MIGA1: variants seen among roughly 807,000 people sequenced by gnomAD.
The protein encoded by MIGA1 is mitoguardin 1.
Under a neutral mutation model 82.0 loss-of-function variants are expected in MIGA1, and 58 were observed. The observed-to-expected ratio is 0.71, with a 90% CI of 0.57 to 0.88. The LOEUF (loss-of-function observed/expected upper bound fraction) is 0.88, where lower values mean the gene tolerates loss of function less well. Among genes scored for constraint, MIGA1 ranks in the 40% least tolerant of loss-of-function variants. MIGA1 has a pLI of 0.00. For synonymous variants in MIGA1, 249 were observed against 253.6 expected (o/e 0.98, Z 0.17); for missense variants, 751 against 749.1 (o/e 1.00, Z -0.03).
intron 2 of MIGA1, among the ~76,000 whole-genome samples, chr1:77,785,973 A>T (rs1455694861): frequency 1.3e-5 from 2 of 152,218 alleles, no homozygotes; most frequent in African/African-American, 4.8e-5. Flanking sequence ...CTGCCCTAGC[A>T]GAGGTTCTCC....
chr1:77,779,717 T>C lies in MIGA1; in HGVS notation c.62T>C (p.Val21Ala). ...GAAGCTGGCGTGGGCAGGCCAGCTG[T>C]ACCTGGCCTGGAGCTCCAGGTACAG... The change falls in exon 1 of 16, where the codon GTA (valine) becomes GCA (alanine). Residue 21 changes from valine to alanine, a missense_variant. This residue lies in a region of MIGA1 where 482 missense variants were observed against 439.4 expected (regional missense o/e 1.10). Transcript: ENST00000370791. The C allele has an allele frequency of 1.9e-6, 3 of 1,580,546 alleles. No individual in the cohort carries two copies. The highest frequency in any genetic ancestry group is 2.6e-6 in the Non-Finnish European group (3 of 1,163,414).
chr1:77,785,027 A>C (rs1265219353), intron 2 of MIGA1, among the ~76,000 whole-genome samples: 3 of 152,096 alleles, frequency 2.0e-5, no homozygotes, highest in Non-Finnish European at 4.4e-5. Context: ...ACACAGCCAA[A>C]CCATATCATT....
Position 77,847,356 on chromosome 1 carries a change from GA to G in MIGA1, c.996+3956del, listed in dbSNP as rs1213210825. 7.8e-5 allele frequency: 78 copies of G among 995,482 alleles called. 2 individuals carry two copies. Among genetic ancestry groups the G allele is most frequent in the South Asian group, 6.0e-4 (47 of 78,130 alleles). 61.7% of individuals were successfully genotyped at this position (995,482 alleles called of 1,614,324 possible). On this transcript the variant is annotated intron_variant, in intron 8 of 15. Coordinates refer to ENST00000370791, the MANE Select transcript of MIGA1 (RefSeq NM_198549.4). The stretch of plus-strand genomic sequence containing the variant: ...TGACAGTATTTATGATGAAATGCAG[GA>G]AAAAAAGGAGGAAAACAATACTAAA...
intron 7 of MIGA1, among the ~76,000 whole-genome samples, chr1:77,838,411 C>T (rs1684509415): frequency 6.6e-6 from 1 of 151,142 alleles, no homozygotes; most frequent in Admixed American, 6.6e-5. Context: ...GTGCAGCTGT[C>T]CTGATGCTCA....
chr1:77,858,294 C>T (rs1197921549), intron 8 of MIGA1, among the ~76,000 whole-genome samples: 1 of 151,912 alleles, frequency 6.6e-6, no homozygotes, highest in Non-Finnish European at 1.5e-5. Context: ...CTGCATTGAG[C>T]CAAGATCCTG....
In MIGA1 at chr1:77,879,533, T is replaced by TG. The variant is rs1347466597; in HGVS notation, c.*4470dup. ...TTACTATTACTGCCAAATAAAAAAG[T>TG]GATGGTACGTCTTGCTGATGTATTG... On this transcript the variant is annotated 3_prime_UTR_variant, in exon 16 of 16. Coordinates refer to ENST00000370791, the MANE Select transcript of MIGA1 (RefSeq NM_198549.4). The TG allele has an allele frequency of 1.3e-5, 2 of 152,146 alleles. No homozygotes were observed. Among genetic ancestry groups the TG allele is most frequent in the African/African-American group, 4.8e-5 (2 of 41,436 alleles). The allele number at this position is 152,146 out of a possible 1,614,324, so 9.4% of individuals were successfully genotyped here.
chr1:77,858,262 G>A (rs137878264), intron 8 of MIGA1, among the ~76,000 whole-genome samples: 3,986 of 151,852 alleles, frequency 0.026, 90 homozygotes, highest in South Asian at 0.11. Flanking sequence ...CAGGAGAATC[G>A]CTTTAACCTG....
intron 7 of MIGA1, among the ~76,000 whole-genome samples, chr1:77,821,646 C>T (rs1186343869): frequency 1.3e-5 from 2 of 152,014 alleles, no homozygotes; most frequent in East Asian, 1.9e-4. Context: ...CGCCCGCCTC[C>T]GCCCCCCAAA....
chr1:77,845,529 C>G (rs1000520761), intron 8 of MIGA1, among the ~76,000 whole-genome samples: 2 of 151,972 alleles, frequency 1.3e-5, no homozygotes, highest in African/African-American at 4.8e-5. Context: ...TTGTGGAAAA[C>G]AAAATGCATG....
chr1:77,850,071 G>A (rs1467871184), intron 8 of MIGA1, among the ~76,000 whole-genome samples: 1 of 151,930 alleles, frequency 6.6e-6, no homozygotes, highest in African/African-American at 2.4e-5. Flanking sequence ...GCTTGACTGG[G>A]GCTGAAAGAT....
At chr1:77,822,837 T>G (rs1683873196) in intron 7 of MIGA1, among the ~76,000 whole-genome samples, 2 of 123,980 alleles carry the variant, frequency 1.6e-5, no homozygotes, top group Non-Finnish European at 3.5e-5. Context: ...TTCAGCATGT[T>G]TTTTTTTTTT....
chr1:77,847,519 GAGAA>G, intron 8 of MIGA1: 1 of 1,443,668 alleles, frequency 6.9e-7, no homozygotes, highest in Non-Finnish European at 9.7e-7. Context: ...GAAATACAGA[GAGAA>G]AGAGAAATGG....
chr1:77,795,706 T>G (rs2101728578), intron 2 of MIGA1, among the ~76,000 whole-genome samples: 1 of 151,256 alleles, frequency 6.6e-6, no homozygotes, highest in South Asian at 2.1e-4. Context: ...CTCGGCTCAC[T>G]GCAACCTCTG....
chr1:77,806,824 T>G, intron 4 of MIGA1, 151 bp from the exon 5 acceptor site: 1 of 572,110 alleles, frequency 1.7e-6, no homozygotes, highest in Non-Finnish European at 3.0e-6. Flanking sequence ...CTAAGTTTGA[T>G]TGATTATCAT....
Position 77,864,021 on chromosome 1 carries a change from A to G in MIGA1, c.1502A>G (p.Lys501Arg), listed in dbSNP as rs1212599209. Residue 501 changes from lysine to arginine, a missense_variant, in exon 13 of 16, where the codon AAA becomes AGA. Physicochemically the swap from Lys to Arg is conservative, Grantham distance 26. Coordinates refer to ENST00000370791, the MANE Select transcript of MIGA1 (RefSeq NM_198549.4). ...AATCGATGGCTAAACTCATCCTTCA[A>G]AGAAACAGTAAGTGGTGGTTAACCT... The G allele has an allele frequency of 5.0e-6, 8 of 1,603,302 alleles. No homozygotes were observed. Among genetic ancestry groups the G allele is most frequent in the Non-Finnish European group, 6.8e-6 (8 of 1,177,674 alleles).
intron 7 of MIGA1, among the ~76,000 whole-genome samples, chr1:77,834,529 T>G (rs1684357261): frequency 6.6e-6 from 1 of 152,224 alleles, no homozygotes; most frequent in Non-Finnish European, 1.5e-5. Flanking sequence ...TTTTCAATAT[T>G]GAGGCACATT....
chr1:77,806,806 C>T (rs919134619), intron 4 of MIGA1, among the ~76,000 whole-genome samples, 169 bp from the exon 5 acceptor site: 3 of 152,076 alleles, frequency 2.0e-5, no homozygotes, highest in South Asian at 2.1e-4. Context: ...AGAATAGAGT[C>T]GTGATTTCTA....
At chr1:77,781,952 A>T (rs557201580) in intron 1 of MIGA1, among the ~76,000 whole-genome samples, 1 of 152,254 alleles carries the variant, frequency 6.6e-6, no homozygotes, top group East Asian at 1.9e-4. Flanking sequence ...ATAGAAATGT[A>T]TGCAGAAATG....
At chr1:77,858,537 TGATGTTA>T (rs1420549868) in intron 8 of MIGA1, among the ~76,000 whole-genome samples, 1 of 152,236 alleles carries the variant, frequency 6.6e-6, no homozygotes, top group Non-Finnish European at 1.5e-5. Flanking sequence ...TATTGTATTT[TGATGTTA>T]GCAAAATCCT....
Sources: gnomAD v4.1 joint callset for allele counts (sites outside exome capture counted in the v4.1 genomes callset) on GRCh38, gnomAD v4.1.1 for gene constraint, gnomAD v4.1.1 regional missense constraint, MANE v1.5 for transcripts, NCBI Gene and HGNC (gene_info 2026-07-23, HGNC 2026-07-21) for gene names.